Variants in USP16 observed in about 807,000 individuals in gnomAD.
USP16 encodes ubiquitin specific peptidase 16.
Under a neutral mutation model 95.9 loss-of-function variants are expected in USP16, and 77 were observed. The ratio of observed to expected loss-of-function variants is 0.80; its 90% CI spans 0.67 to 0.97. The LOEUF (loss-of-function observed/expected upper bound fraction) is 0.97, where lower values mean the gene tolerates loss of function less well. USP16 is among the 50% of genes least tolerant of loss of function. The pLI, the probability that USP16 is intolerant of heterozygous loss-of-function variation, is 0.00. For synonymous variants in USP16, 303 were observed against 318.2 expected (o/e 0.95, Z 0.51); for missense variants, 943 against 959.9 (o/e 0.98, Z 0.23).
At chr21:29,033,689 C>T (rs1231179483) in intron 3 of USP16, among the ~76,000 whole-genome samples, 1 of 152,130 alleles carries the variant, frequency 6.6e-6, no homozygotes, top group Non-Finnish European at 1.5e-5. Flanking sequence ...AAGTCTACTG[C>T]CTTGAGCCTT....
At position 29,042,030 on chromosome 21, in the gene USP16, T is replaced by A. The variant is rs752406360; in HGVS notation, c.1048T>A (p.Ser350Thr). The change falls in exon 11 of 18, where the codon TCA becomes ACA. Residue 350 changes from serine (S) to threonine (T), a missense_variant. Transcript: ENST00000399976. ...CTCCATAGATTATGAGAAGAAAAAA[T>A]CAATGCCAAGTTTTGTTGACCGCAT... ...NKVKDYEKKK[S>T]MPSFVDRIFG... The A allele has an allele frequency of 6.2e-7, 1 of 1,612,974 alleles. No homozygotes were observed. The highest frequency in any genetic ancestry group is 1.3e-5 in the African/African-American group (1 of 74,882).
In USP16 at chr21:29,034,891, A is replaced by G. The variant is rs1174849872; in HGVS notation, c.295A>G (p.Arg99Gly). The change falls in exon 4 of 18, where the codon AGA becomes GGA. Residue 99 changes from arginine to glycine, a missense_variant. By Grantham distance (125) the Arg-to-Gly change is moderately radical (BLOSUM62 -2). Transcript: ENST00000399976. ...TGCCTTGAAGCACTATCTGACGCCAAGATCTGAACCTCACTGTCTGGTTCT... is the reference window on the plus strand; with the variant it reads ...TGCCTTGAAGCACTATCTGACGCCAGGATCTGAACCTCACTGTCTGGTTCT... Reference protein sequence around the residue: ...QHALKHYLTPRSEPHCLVLSL... With the variant: ...QHALKHYLTPGSEPHCLVLSL... The G allele has an allele frequency of 1.9e-6, 3 of 1,614,082 alleles. No individual in the cohort carries two copies. Among genetic ancestry groups the G allele is most frequent in the Non-Finnish European group, 2.5e-6 (3 of 1,180,016 alleles).
rs763133438 is a variant in USP16, at chr21:29,036,275, T to TA, written c.350dup (p.Tyr117Ter). 2.5e-6 allele frequency: 4 copies of TA among 1,607,920 alleles called. No individual in the cohort carries two copies. Among genetic ancestry groups the TA allele is most frequent in the South Asian group, 1.1e-5 (1 of 90,014 alleles). Residue 117 changes from tyrosine to a stop codon, truncating the protein, a stop_gained and frameshift_variant, in exon 5 of 18, where the codon TAC becomes TAAC. Transcript: ENST00000399976. LOFTEE classifies it high-confidence loss of function. ...TCTCTGATTTTTGGGTCACAGGTGTTACGTATGTGATAATGAGGTCCAGTA... is the reference window on the plus strand; with the variant it reads ...TCTCTGATTTTTGGGTCACAGGTGTTAACGTATGTGATAATGAGGTCCAGTA... Reference protein sequence around the residue: ...LSLDNWSVWCYVCDNEVQYCS... With the variant: ...LSLDNWSVWC
At chr21:29,054,038 T>C (rs748732278) in intron 17 of USP16, 28 bp from the exon 18 acceptor site, 25 of 1,613,892 alleles carry the variant, frequency 1.5e-5, no homozygotes, top group Non-Finnish European at 2.1e-5. Context: ...TTTCCATTTA[T>C]GTTTGATTTT....
chr21:29,029,193 C>T (rs1446048702), intron 2 of USP16, among the ~76,000 whole-genome samples: 1 of 152,216 alleles, frequency 6.6e-6, no homozygotes, highest in African/African-American at 2.4e-5. Flanking sequence ...GCGGGCAGAT[C>T]ACGAGGTCAG....
chr21:29,038,934 A>T, intron 7 of USP16, 92 bp from the exon 8 acceptor site: 4 of 1,278,962 alleles, frequency 3.1e-6, no homozygotes, highest in Non-Finnish European at 4.1e-6. Flanking sequence ...TCTGTCAGGA[A>T]CATTGGTAGT....
intron 5 of USP16, 64 bp downstream of exon 5, chr21:29,036,438 T>C: frequency 1.4e-6 from 2 of 1,413,108 alleles, no homozygotes; most frequent in Non-Finnish European, 1.0e-6. Flanking sequence ...GATACTTAGA[T>C]TTGTTATACT....
chr21:29,032,440 C>T (rs2085091444), intron 3 of USP16, among the ~76,000 whole-genome samples: 1 of 152,088 alleles, frequency 6.6e-6, no homozygotes, highest in African/African-American at 2.4e-5. Flanking sequence ...GTATACTGCC[C>T]AGGCTGGTCT....
intron 2 of USP16, among the ~76,000 whole-genome samples, chr21:29,030,034 G>A (rs1312284925): frequency 6.6e-6 from 1 of 152,010 alleles, no homozygotes; most frequent in Non-Finnish European, 1.5e-5. Context: ...TTGCACAGAT[G>A]TTACCTCCCC....
At chr21:29,035,391 T>C (rs1284432777) in intron 4 of USP16, among the ~76,000 whole-genome samples, 2 of 151,994 alleles carry the variant, frequency 1.3e-5, no homozygotes, top group African/African-American at 4.8e-5. Flanking sequence ...TTTTTTTTTT[T>C]TTGAGACGGA....
chr21:29,036,189 C>A, intron 4 of USP16, 82 bp from the exon 5 acceptor site: 1 of 1,223,330 alleles, frequency 8.2e-7, no homozygotes, highest in South Asian at 1.4e-5. Context: ...CAGTTACACA[C>A]TTTGATTCCA....
At chr21:29,032,967 G>A (rs2085099142) in intron 3 of USP16, among the ~76,000 whole-genome samples, 1 of 151,658 alleles carries the variant, frequency 6.6e-6, no homozygotes, top group African/African-American at 2.4e-5. Flanking sequence ...TTTTATTTTA[G>A]CCATCATGAT....
chr21:29,044,585 T>C (rs2085295734), intron 13 of USP16, among the ~76,000 whole-genome samples: 3 of 151,956 alleles, frequency 2.0e-5, no homozygotes, highest in Non-Finnish European at 4.4e-5. Context: ...GTAGCTGGGA[T>C]TACAGGCATG....
chr21:29,042,224 A>G (rs1332427702), intron 11 of USP16, 120 bp downstream of exon 11: 5 of 927,224 alleles, frequency 5.4e-6, no homozygotes, highest in African/African-American at 3.4e-5. Flanking sequence ...TTCAGATGCT[A>G]TTCAGATGTG....
At position 29,042,115 on chromosome 21, in the gene USP16, G is replaced by A; in HGVS notation, c.1122+11G>A. On this transcript the variant is annotated intron_variant, in intron 11 of 17. Transcript: ENST00000399976. ...GATCAATGCAGAACTGTAAGTAGAT[G>A]TCATGTATACTGGGTTTATTTGCTA... 3 of 1,603,376 alleles carry A rather than the reference G, an allele frequency of 1.9e-6. No individual in the cohort carries two copies. The highest frequency in any genetic ancestry group is 2.6e-6 in the Non-Finnish European group (3 of 1,173,214).
Position 29,047,232 on chromosome 21 carries a change from C to A in USP16, c.1922C>A (p.Thr641Asn). ...ATCCAACATTGTTTATATCAGTTCA[C>A]CCGTAATGAGAAACTTCGAGATGCG... Reference protein sequence around the residue: ...CSIQHCLYQFTRNEKLRDANK... With the variant: ...CSIQHCLYQFNRNEKLRDANK... The change falls in exon 14 of 18, where the codon ACC (threonine) becomes AAC (asparagine). Residue 641 changes from threonine to asparagine, a missense_variant. Thr to Asn is a moderately conservative substitution (Grantham distance 65). Transcript: ENST00000399976. The A allele has an allele frequency of 1.2e-6, 2 of 1,614,138 alleles. No homozygotes were observed. The highest frequency in any genetic ancestry group is 8.5e-7 in the Non-Finnish European group (1 of 1,180,020).
At chr21:29,049,780 C>T (rs1389387724) in intron 15 of USP16, among the ~76,000 whole-genome samples, 7 of 152,118 alleles carry the variant, frequency 4.6e-5, no homozygotes, top group Non-Finnish European at 8.8e-5. Context: ...AGGCTGATCT[C>T]GAACTCCTGG....
chr21:29,025,816 G>A lies in USP16; in HGVS notation c.-42+1039G>A, dbSNP rs547317218. 7 of 753,918 alleles carry A rather than the reference G, an allele frequency of 9.3e-6. No individual in the cohort carries two copies. In the East Asian group the frequency reaches 9.0e-4, roughly 97 times the overall value. The allele number at this position is 753,918 out of a possible 1,614,324, so 46.7% of individuals were successfully genotyped here. On this transcript the variant is annotated intron_variant, in intron 1 of 17. Transcript: ENST00000399976. ...TTTCAATGCAAGAAGTATTTCTTCA[G>A]GACCTGCTATGTACTAACATTATGC...
At chr21:29,043,719 C>A in intron 13 of USP16, 120 bp downstream of exon 13, 1 of 948,022 alleles carries the variant, frequency 1.1e-6, no homozygotes, top group Non-Finnish European at 1.4e-6. Context: ...TTTCATTTGA[C>A]AATTACAGAA....
Sources: allele counts gnomAD v4.1 joint callset (sites outside exome capture counted in the v4.1 genomes callset), GRCh38; gene constraint gnomAD v4.1.1; transcripts MANE v1.5; gene names NCBI Gene and HGNC (gene_info 2026-07-23, HGNC 2026-07-21).